PLXNC1: variants seen among roughly 807,000 people sequenced by gnomAD.
PLXNC1 encodes plexin C1.
A neutral mutation model predicts 178.2 loss-of-function variants in PLXNC1; 75 were observed. The observed-to-expected ratio is 0.42, with a 90% CI of 0.35 to 0.51. The LOEUF (loss-of-function observed/expected upper bound fraction) is 0.51, where lower values mean the gene tolerates loss of function less well. Among genes scored for constraint, PLXNC1 ranks in the 20% least tolerant of loss-of-function variants. The pLI, the probability that PLXNC1 is intolerant of heterozygous loss-of-function variation, is 0.02. For synonymous variants in PLXNC1, 790 were observed against 779.9 expected, an observed-to-expected ratio of 1.01 and a Z score of -0.22; for missense variants, 1,503 against 1,984.4, an observed-to-expected ratio of 0.76 and a Z score of 4.61.
chr12:94,182,857 C>CTATATCTATCTA (rs570479179), intron 3 of PLXNC1, among the ~76,000 whole-genome samples: 281 of 141,862 alleles, frequency 2.0e-3, no homozygotes, highest in African/African-American at 3.2e-3. Flanking sequence ...TCAAGAATAT[C>CTATATCTATCTA]TGTATCTATC....
chr12:94,242,941 A>C (rs1964429760), intron 11 of PLXNC1, among the ~76,000 whole-genome samples: 1 of 152,226 alleles, frequency 6.6e-6, no homozygotes, highest in Non-Finnish European at 1.5e-5. Context: ...TTTGCTATAA[A>C]GTAAGAGGCT....
chr12:94,180,687 TTGTC>T (rs1215691764), intron 2 of PLXNC1, among the ~76,000 whole-genome samples: 1 of 152,238 alleles, frequency 6.6e-6, no homozygotes, highest in African/African-American at 2.4e-5. Flanking sequence ...ACAAACCTAC[TTGTC>T]TGTATCTGCC....
At chr12:94,162,850 T>G (rs1041818280) in intron 1 of PLXNC1, among the ~76,000 whole-genome samples, 12 of 152,154 alleles carry the variant, frequency 7.9e-5, no homozygotes, top group Non-Finnish European at 1.6e-4. Flanking sequence ...TCAGTGGTTC[T>G]TAACAGGGGA....
At chr12:94,188,975 AAG>A (rs57428089) in intron 4 of PLXNC1, among the ~76,000 whole-genome samples, 26,040 of 152,202 alleles carry the variant, frequency 0.17, 2,396 homozygotes, top group Middle Eastern at 0.18. Context: ...TTGAGGAGAA[AAG>A]AGAGAGAAGG....
intron 2 of PLXNC1, among the ~76,000 whole-genome samples, chr12:94,173,370 C>G (rs373108338): frequency 6.6e-6 from 1 of 152,174 alleles, no homozygotes; most frequent in Non-Finnish European, 1.5e-5. Context: ...TAAGTAATAA[C>G]AGAATATGCA....
At chr12:94,214,169 C>G (rs972896857) in intron 5 of PLXNC1, among the ~76,000 whole-genome samples, 1 of 151,652 alleles carries the variant, frequency 6.6e-6, no homozygotes, top group Admixed American at 6.6e-5. Flanking sequence ...ACTGCAGCCT[C>G]GAACCCCTGG....
chr12:94,169,270 A>G lies in PLXNC1; in HGVS notation c.1180A>G (p.Thr394Ala). ...GAACAGGACTGTTTTATTCTTGGGG[A>G]CTGGAGATGGCCAGTTACTTAAGGT... is the stretch of plus-strand genomic sequence containing the variant. ...VMNRTVLFLG[T>A]GDGQLLKVIL... The change falls in exon 2 of 31, where the codon ACT becomes GCT. Residue 394 changes from threonine (T) to alanine (A), a missense_variant. Coordinates refer to ENST00000258526, the MANE Select transcript of PLXNC1 (RefSeq NM_005761.3). 5.0e-6 allele frequency: 8 copies of G among 1,613,844 alleles called. No homozygotes were observed. The highest frequency in any genetic ancestry group is 6.8e-6 in the Non-Finnish European group (8 of 1,179,886).
intron 21 of PLXNC1, among the ~76,000 whole-genome samples, chr12:94,268,393 C>T (rs1206664982): frequency 6.6e-6 from 1 of 152,082 alleles, no homozygotes; most frequent in African/African-American, 2.4e-5. Flanking sequence ...CATACTTCCT[C>T]CAGGACCATA....
chr12:94,301,657 C>T (rs188370512), intron 28 of PLXNC1, among the ~76,000 whole-genome samples: 291 of 152,298 alleles, frequency 1.9e-3, no homozygotes, highest in African/African-American at 6.8e-3. Context: ...ATATCTGTGC[C>T]TAATGGATCT....
intron 2 of PLXNC1, among the ~76,000 whole-genome samples, chr12:94,180,581 AGATGTTTGTT>A (rs1962269066): frequency 6.6e-6 from 1 of 152,158 alleles, no homozygotes; most frequent in Non-Finnish European, 1.5e-5. Context: ...GGTGTTGGGT[AGATGTTTGTT>A]GACTGAAGAT....
intron 17 of PLXNC1, 81 bp from the exon 18 acceptor site, chr12:94,259,256 C>A: frequency 2.0e-6 from 2 of 1,024,320 alleles, no homozygotes; most frequent in East Asian, 2.6e-5. Context: ...TTTATTAAAA[C>A]GGACTTGGGT....
intron 1 of PLXNC1, among the ~76,000 whole-genome samples, chr12:94,152,360 G>A (rs1960992806): frequency 6.6e-6 from 1 of 152,206 alleles, no homozygotes; most frequent in Non-Finnish European, 1.5e-5. Context: ...ACAAATATTT[G>A]TTTGATGCCT....
At chr12:94,254,007 T>C (rs1474309967) in intron 15 of PLXNC1, among the ~76,000 whole-genome samples, 1 of 152,184 alleles carries the variant, frequency 6.6e-6, no homozygotes, top group Non-Finnish European at 1.5e-5. Context: ...AGAAGCTTCC[T>C]AGAATAACAG....
At chr12:94,225,660 G>A (rs1184085907) in intron 7 of PLXNC1, among the ~76,000 whole-genome samples, 2 of 152,164 alleles carry the variant, frequency 1.3e-5, no homozygotes, top group African/African-American at 2.4e-5. Flanking sequence ...CCCACAACTT[G>A]GTAATTAAGA....
At chr12:94,162,868 A>G (rs1592721633) in intron 1 of PLXNC1, among the ~76,000 whole-genome samples, 1 of 152,154 alleles carries the variant, frequency 6.6e-6, no homozygotes, top group African/African-American at 2.4e-5. Context: ...GGATAATGAC[A>G]TTTACTTAGG....
intron 21 of PLXNC1, among the ~76,000 whole-genome samples, chr12:94,270,295 G>A (rs1965494084): frequency 1.3e-5 from 2 of 152,310 alleles, no homozygotes; most frequent in African/African-American, 4.8e-5. Context: ...TGGAACACCT[G>A]TTCATTTCCT....
At chr12:94,262,502 C>T (rs879942049) in intron 20 of PLXNC1, 1 of 985,504 alleles carries the variant, frequency 1.0e-6, no homozygotes, top group Non-Finnish European at 1.2e-6. Flanking sequence ...TTGAGCAAAG[C>T]ATTCTGGGTC....
chr12:94,198,664 C>T (rs1347953842), intron 4 of PLXNC1, among the ~76,000 whole-genome samples: 1 of 152,164 alleles, frequency 6.6e-6, no homozygotes, highest in East Asian at 1.9e-4. Context: ...GCCGGGCTCC[C>T]TCTGGAGGCT....
chr12:94,303,836 C>T lies in PLXNC1; in HGVS notation c.4467C>T (p.Ile1489=). 6.3e-7 allele frequency: 1 copy of T among 1,599,098 alleles called. No homozygotes were observed. Among genetic ancestry groups the T allele is most frequent in the Non-Finnish European group, 8.5e-7 (1 of 1,171,838 alleles). The change falls in exon 29 of 31, where the codon ATC becomes ATT. Residue 1489 remains isoleucine (I), a synonymous_variant. Transcript: ENST00000258526. ...KEEVKSYYKA[I]RDLPPLSSSE... ...AAGTAAAATCTTATTACAAAGCAATCAGGGATTTGCCTCCATTGTCATCCT... is the reference window on the plus strand; with the variant it reads ...AAGTAAAATCTTATTACAAAGCAATTAGGGATTTGCCTCCATTGTCATCCT...
Sources: allele counts gnomAD v4.1 joint callset (sites outside exome capture counted in the v4.1 genomes callset), GRCh38; gene constraint gnomAD v4.1.1; transcripts MANE v1.5; gene names NCBI Gene and HGNC (gene_info 2026-07-23, HGNC 2026-07-21).